The following DGLUCY variants were observed in gnomAD, a reference collection of about 807,000 sequenced individuals.
DGLUCY encodes D-glutamate cyclase, mitochondrial.
Under a neutral mutation model 58.5 loss-of-function variants are expected in DGLUCY, and 58 were observed. The ratio of observed to expected loss-of-function variants is 0.99; its 90% CI spans 0.80 to 1.23. The LOEUF is 1.23. DGLUCY is among the 50% of genes most tolerant of loss of function. The probability of loss-of-function intolerance (pLI) is 0.00; values close to 1 mark genes in which losing one functional copy is unlikely to be tolerated. For missense variants in DGLUCY, 779 were observed against 784.7 expected (o/e 0.99, Z 0.09); for synonymous variants, 325 against 314.1 (o/e 1.03, Z -0.37).
chr14:91,173,311 A>G lies in DGLUCY; in HGVS notation c.479A>G (p.His160Arg). 1.9e-6 allele frequency: 3 copies of G among 1,608,872 alleles called. No homozygotes were observed. The highest frequency in any genetic ancestry group is 1.7e-4 in the Middle Eastern group (1 of 6,030). The change falls in exon 6 of 14, where the codon CAT becomes CGT. Residue 160 changes from histidine (H) to arginine (R), a missense_variant. His to Arg is a conservative substitution (Grantham distance 29, BLOSUM62 0). Coordinates refer to ENST00000256324, the MANE Select transcript of DGLUCY (RefSeq NM_001102368.3). ...AYKTTVPCVT[H>R]AGFCCPLVVT... The stretch of plus-strand genomic sequence containing the variant: ...CAGACAACAGTGCCTTGTGTTACCC[A>G]TGCTGGCTTCTGCTGCCCTCTGGTG...
At chr14:91,099,714 C>T (rs1481211107) in intron 1 of DGLUCY, among the ~76,000 whole-genome samples, 1 of 152,092 alleles carries the variant, frequency 6.6e-6, no homozygotes, top group Non-Finnish European at 1.5e-5. Context: ...CATTTTGGGT[C>T]AGTTGGGCTG....
intron 11 of DGLUCY, among the ~76,000 whole-genome samples, chr14:91,201,712 T>G (rs2050573905): frequency 6.6e-6 from 1 of 152,060 alleles, no homozygotes; most frequent in Admixed American, 6.6e-5. Context: ...CCAAACTGTT[T>G]CAATTACAGG....
At chr14:91,167,955 A>C (rs2048373783) in intron 4 of DGLUCY, among the ~76,000 whole-genome samples, 1 of 152,078 alleles carries the variant, frequency 6.6e-6, no homozygotes, top group African/African-American at 2.4e-5. Flanking sequence ...AAACCCGATC[A>C]TGTGGCTCTC....
Position 91,205,629 on chromosome 14 carries a change from G to A in DGLUCY, c.1564+804G>A, listed in dbSNP as rs537577560. 2.7e-3 allele frequency among the ~76,000 whole-genome samples: 412 copies of A among 152,176 alleles called. 1 individual carries two copies. Among genetic ancestry groups the A allele is most frequent in the Non-Finnish European group, 4.1e-3 (278 of 68,010 alleles). ...GCGACCCAGTGGTCTGGGGGCCCTC[G>A]TGCTCTTGTGAGTTTTGCCTCTGGG... On this transcript the variant is annotated intron_variant, in intron 12 of 13. Coordinates refer to ENST00000256324, the MANE Select transcript of DGLUCY (RefSeq NM_001102368.3).
rs77417198 is a variant in DGLUCY at position 91,208,815 on chromosome 14, A to G, written c.1564+3990A>G. The stretch of plus-strand genomic sequence containing the variant: ...ATGGAATGAGAGGGAAGAATTAGCA[A>G]TGTTTTGTTATAAGTTGCTTGTGCT... On this transcript the variant is annotated intron_variant, in intron 12 of 13. Transcript: ENST00000256324. Among the ~76,000 whole-genome samples, 415 of 152,292 alleles carry G rather than the reference A, an allele frequency of 2.7e-3. 2 individuals are homozygous for G. Among genetic ancestry groups the G allele is most frequent in the African/African-American group, 9.4e-3 (389 of 41,546 alleles).
chr14:91,102,642 G>T (rs1209819103), intron 1 of DGLUCY, among the ~76,000 whole-genome samples: 2 of 152,066 alleles, frequency 1.3e-5, no homozygotes, highest in Admixed American at 1.3e-4. Context: ...GGGCTCACAG[G>T]CTCTACAGGG....
chr14:91,160,235 C>T (rs58319923), intron 2 of DGLUCY, 31 bp from the exon 3 acceptor site: 1 of 1,387,050 alleles, frequency 7.2e-7, no homozygotes, highest in Non-Finnish European at 1.0e-6. Context: ...GCCACACTTT[C>T]TAATTTGTTC....
chr14:91,103,324 G>A (rs148470738), upstream of DGLUCY, among the ~76,000 whole-genome samples: 31 of 152,170 alleles, frequency 2.0e-4, no homozygotes, highest in African/African-American at 6.0e-4. Flanking sequence ...CTATCAACAC[G>A]GCCTAGCAAT....
intron 1 of DGLUCY, among the ~76,000 whole-genome samples, chr14:91,076,256 A>G (rs1043245922): frequency 6.6e-5 from 10 of 152,162 alleles, no homozygotes; most frequent in Non-Finnish European, 1.2e-4. Context: ...ACTAATATCC[A>G]TGGATACTCA....
intron 8 of DGLUCY, 67 bp from the exon 9 acceptor site, chr14:91,188,843 A>G: frequency 3.4e-6 from 5 of 1,470,780 alleles, no homozygotes; most frequent in Non-Finnish European, 4.6e-6. Flanking sequence ...AAATAAATAC[A>G]TACATACATA....
intron 9 of DGLUCY, among the ~76,000 whole-genome samples, chr14:91,193,181 G>A (rs2050005153): frequency 6.6e-6 from 1 of 152,210 alleles, no homozygotes; most frequent in Admixed American, 6.5e-5. Context: ...CAGAGGAAAG[G>A]CAAGGGGCCG....
intron 1 of DGLUCY, among the ~76,000 whole-genome samples, chr14:91,133,354 C>T (rs2046143577): frequency 6.6e-6 from 1 of 152,216 alleles, no homozygotes; most frequent in Non-Finnish European, 1.5e-5. Context: ...AATAATATTC[C>T]ATTGTCTGTA....
chr14:91,097,489 A>T (rs556688797), intron 1 of DGLUCY, among the ~76,000 whole-genome samples: 1 of 152,302 alleles, frequency 6.6e-6, no homozygotes, highest in East Asian at 1.9e-4. Context: ...ATTGAGTTAT[A>T]CACTTTAGGT....
chr14:91,153,975 G>A (rs555666420), intron 1 of DGLUCY, among the ~76,000 whole-genome samples: 76 of 152,206 alleles, frequency 5.0e-4, no homozygotes, highest in African/African-American at 1.6e-3. Flanking sequence ...GTGCGATCTC[G>A]ACTCACTGCA....
chr14:91,122,468 AT>A (rs563992491), intron 1 of DGLUCY, among the ~76,000 whole-genome samples: 50 of 151,956 alleles, frequency 3.3e-4, no homozygotes, highest in Non-Finnish European at 6.0e-4. Flanking sequence ...AAAAAGAAAG[AT>A]TTTTTTTATT....
intron 10 of DGLUCY, among the ~76,000 whole-genome samples, chr14:91,198,303 T>C (rs923703034): frequency 1.3e-5 from 2 of 149,640 alleles, no homozygotes; most frequent in Non-Finnish European, 3.0e-5. Flanking sequence ...CTCAGCCTCC[T>C]GAAGTGCTGA....
chr14:91,156,451 T>A (rs905237213), intron 1 of DGLUCY, among the ~76,000 whole-genome samples: 4 of 152,218 alleles, frequency 2.6e-5, no homozygotes, highest in Admixed American at 1.3e-4. Flanking sequence ...AGTGCTGCTG[T>A]GTACTCAGTC....
chr14:91,220,587 C>T (rs1216837633), intron 13 of DGLUCY: 1 of 456,350 alleles, frequency 2.2e-6, no homozygotes. Context: ...CATGTGGCGT[C>T]ATGTGGGACT....
At chr14:91,131,029 C>T (rs1391895757) in intron 1 of DGLUCY, among the ~76,000 whole-genome samples, 1 of 152,072 alleles carries the variant, frequency 6.6e-6, no homozygotes, top group Non-Finnish European at 1.5e-5. Context: ...CTTACTGCAG[C>T]CTCAACCTCC....
Sources: gnomAD v4.1 joint callset for allele counts (sites outside exome capture counted in the v4.1 genomes callset) on GRCh38, gnomAD v4.1.1 for gene constraint, MANE v1.5 for transcripts, NCBI Gene and HGNC (gene_info 2026-07-23, HGNC 2026-07-21) for gene names.